UBE3B: variants seen among roughly 807,000 people sequenced by gnomAD.
UBE3B encodes the protein ubiquitin-protein ligase E3B.
In UBE3B, 80 loss-of-function variants were observed where a neutral mutation model predicts 132.3. The ratio of observed to expected loss-of-function variants is 0.60; its 90% CI spans 0.50 to 0.73. The LOEUF is 0.73. Ranked by LOEUF, UBE3B falls within the 30% of genes least tolerant of loss-of-function variation. The pLI, the probability that UBE3B is intolerant of heterozygous loss-of-function variation, is 0.00. For synonymous variants in UBE3B, 487 were observed against 520.4 expected, an observed-to-expected ratio of 0.94 and a Z score of 0.87; for missense variants, 1,196 against 1,362.5, an observed-to-expected ratio of 0.88 and a Z score of 1.92.
chr12:109,494,820 C>T (rs1165339581), intron 9 of UBE3B, among the ~76,000 whole-genome samples: 1 of 152,208 alleles, frequency 6.6e-6, no homozygotes, highest in Non-Finnish European at 1.5e-5. Flanking sequence ...AATGCTTCCA[C>T]TGATACGTCG....
intron 9 of UBE3B, among the ~76,000 whole-genome samples, chr12:109,494,934 C>T (rs753923454): frequency 6.6e-5 from 10 of 152,168 alleles, no homozygotes; most frequent in Non-Finnish European, 1.0e-4. Flanking sequence ...CCTTTGTACC[C>T]TTATAACAAT....
intron 4 of UBE3B, 147 bp from the exon 5 acceptor site, chr12:109,485,865 T>C: frequency 2.5e-6 from 2 of 811,308 alleles, no homozygotes; most frequent in Non-Finnish European, 3.8e-6. Flanking sequence ...AGTGTCCTCA[T>C]CTGTAGGAAG....
At chr12:109,479,044 C>T (rs1296030638) in intron 1 of UBE3B, among the ~76,000 whole-genome samples, 1 of 152,202 alleles carries the variant, frequency 6.6e-6, no homozygotes, top group Non-Finnish European at 1.5e-5. Context: ...GACTCTGCCA[C>T]ATACTAATGG....
intron 18 of UBE3B, among the ~76,000 whole-genome samples, chr12:109,512,814 AC>A (rs1329661993): frequency 1.3e-5 from 2 of 152,194 alleles, no homozygotes; most frequent in Non-Finnish European, 2.9e-5. Flanking sequence ...GAAGGGCCTT[AC>A]GGCAATTACT....
intron 14 of UBE3B, 125 bp from the exon 15 acceptor site, chr12:109,507,439 T>G: frequency 9.4e-7 from 1 of 1,069,140 alleles, no homozygotes. Context: ...TAATCCCACC[T>G]TCTTTTCACG....
At chr12:109,483,000 G>T (rs766761734) in intron 2 of UBE3B, among the ~76,000 whole-genome samples, 6 of 152,204 alleles carry the variant, frequency 3.9e-5, no homozygotes, top group Non-Finnish European at 7.3e-5. Flanking sequence ...CTGTCACAAA[G>T]TATGCACTGG....
chr12:109,533,911 G>A (rs2136151062), intron 27 of UBE3B: 1 of 1,331,220 alleles, frequency 7.5e-7, no homozygotes. Context: ...CAGGAGGCAG[G>A]CAGGCGCAGA....
chr12:109,482,117 A>G lies in UBE3B; in HGVS notation c.-22+375A>G, dbSNP rs150209363. 2.8e-3 allele frequency among the ~76,000 whole-genome samples: 430 copies of G among 152,306 alleles called. 4 individuals carry two copies. Among genetic ancestry groups the G allele is most frequent in the African/African-American group, 0.01 (417 of 41,552 alleles). The stretch of plus-strand genomic sequence containing the variant: ...GAGCACACTTATTAAATGCCTTTCA[A>G]TAACACGTAATTAATTTAATACCTC... On this transcript the variant is annotated intron_variant, in intron 2 of 27. Coordinates refer to ENST00000342494, the MANE Select transcript of UBE3B (RefSeq NM_130466.4).
chr12:109,519,496 C>G (rs1160611959), intron 19 of UBE3B: 2 of 152,242 alleles, frequency 1.3e-5, no homozygotes, highest in South Asian at 4.1e-4. Context: ...CCATGTGCCA[C>G]TTGCTTTCAC....
Position 109,499,746 on chromosome 12 carries a change from A to G in UBE3B, c.1054A>G (p.Lys352Glu), listed in dbSNP as rs757898120. 6.2e-6 allele frequency: 10 copies of G among 1,612,968 alleles called. No homozygotes were observed. The highest frequency in any genetic ancestry group is 8.5e-6 in the Non-Finnish European group (10 of 1,179,402). Residue 352 changes from lysine (K) to glutamate (E), a missense_variant, in exon 12 of 28, where the codon AAG (lysine) becomes GAG (glutamate). Coordinates refer to ENST00000342494, the MANE Select transcript of UBE3B (RefSeq NM_130466.4). ...CTACTGTCGGAAGTATGTGTCTCAG[A>G]AGAAGTCCAACCTGACCCACTGGCA... Reference protein sequence around the residue: ...LCYCRKYVSQKKSNLTHWHPV... With the variant: ...LCYCRKYVSQEKSNLTHWHPV...
chr12:109,516,814 G>A lies in UBE3B; in HGVS notation c.2006G>A (p.Gly669Glu), dbSNP rs998776698. 8.7e-6 allele frequency: 14 copies of A among 1,613,844 alleles called. No homozygotes were observed. Among genetic ancestry groups the A allele is most frequent in the Non-Finnish European group, 1.1e-5 (13 of 1,180,006 alleles). The part of the protein sequence containing the change: ...TMVTKEKEKL[G>E]LVETSSASPH... ...GTTACCAAGGAGAAGGAGAAACTGG[G>A]GCTGGTGGAAACCAGCTCTGCCTCC... The change falls in exon 19 of 28, where the codon GGG becomes GAG. Residue 669 changes from glycine (G) to glutamate (E), a missense_variant. Physicochemically the swap from Gly to Glu is moderately conservative, Grantham distance 98. Transcript: ENST00000342494.
Position 109,485,994 on chromosome 12 carries a change from C to T in UBE3B, c.283-18C>T, listed in dbSNP as rs964542036. The T allele has an allele frequency of 3.9e-6, 6 of 1,552,376 alleles. No individual in the cohort carries two copies. Among genetic ancestry groups the T allele is most frequent in the South Asian group, 2.4e-5 (2 of 84,052 alleles). On this transcript the variant is annotated intron_variant, in intron 4 of 27. Transcript: ENST00000342494. The stretch of plus-strand genomic sequence containing the variant: ...ATGGATTGTGGGAATGTATAACCCC[C>T]AGTGTGTCTCTTTGCAGAGATTTGA...
intron 11 of UBE3B, among the ~76,000 whole-genome samples, chr12:109,499,191 A>G (rs543080786): frequency 1.4e-3 from 206 of 152,300 alleles, no homozygotes; most frequent in African/African-American, 4.8e-3. Context: ...GTTGAATAAC[A>G]GCGACTTCCC....
chr12:109,490,492 C>T (rs775634353), intron 8 of UBE3B: 1 of 1,535,904 alleles, frequency 6.5e-7, no homozygotes, highest in South Asian at 1.2e-5. Flanking sequence ...CTCCCTAGTG[C>T]TGTGATGGGC....
chr12:109,507,824 A>G (rs773528269), intron 15 of UBE3B, 89 bp downstream of exon 15: 2 of 1,429,652 alleles, frequency 1.4e-6, no homozygotes, highest in Admixed American at 2.1e-5. Flanking sequence ...TGCTAATGTG[A>G]TTACTGCAAA....
rs746387554 is a variant in UBE3B at position 109,533,559 on chromosome 12, G to A, written c.3015+1G>A. 6.2e-7 allele frequency: 1 copy of A among 1,612,516 alleles called. No homozygotes were observed. The highest frequency in any genetic ancestry group is 8.5e-7 in the Non-Finnish European group (1 of 1,179,618). On this transcript the variant is annotated splice_donor_variant, in intron 27 of 27. Coordinates refer to ENST00000342494, the MANE Select transcript of UBE3B (RefSeq NM_130466.4). LOFTEE classifies it high-confidence loss of function. ...CTGCGTGGAGGTGTCGGACGATCAGGTACCCCCACGGGGTGGGTGGGGAAG... is the reference window on the plus strand; with the variant it reads ...CTGCGTGGAGGTGTCGGACGATCAGATACCCCCACGGGGTGGGTGGGGAAG...
At chr12:109,489,153 A>G (rs1052798033) in intron 7 of UBE3B, among the ~76,000 whole-genome samples, 13 of 152,242 alleles carry the variant, frequency 8.5e-5, no homozygotes, top group Non-Finnish European at 1.5e-4. Flanking sequence ...CTGAAGACAG[A>G]TAAGCAAAAC....
intron 24 of UBE3B, 121 bp from the exon 25 acceptor site, chr12:109,529,769 T>C: frequency 8.9e-7 from 1 of 1,123,260 alleles, no homozygotes; most frequent in East Asian, 2.4e-5. Context: ...TGAAACACTC[T>C]GGTACTATTT....
intron 12 of UBE3B, among the ~76,000 whole-genome samples, chr12:109,501,060 G>T (rs1485340272): frequency 2.6e-5 from 4 of 152,314 alleles, no homozygotes; most frequent in Non-Finnish European, 5.9e-5. Flanking sequence ...CTATGAGGAG[G>T]GAGGCAGTGC....
Sources: allele counts gnomAD v4.1 joint callset (sites outside exome capture counted in the v4.1 genomes callset), GRCh38; gene constraint gnomAD v4.1.1; transcripts MANE v1.5; gene names NCBI Gene and HGNC (gene_info 2026-07-23, HGNC 2026-07-21).